BICD1: variants seen among roughly 807,000 people sequenced by gnomAD.
BICD1 encodes protein bicaudal D homolog 1.
BICD1 carries 35 observed loss-of-function variants against 92.5 expected under a neutral mutation model. The ratio of observed to expected loss-of-function variants is 0.38; its 90% confidence interval spans 0.29 to 0.50. The LOEUF is 0.50. Ranked by LOEUF, BICD1 falls within the 20% of genes least tolerant of loss-of-function variation. The pLI, the probability that BICD1 is intolerant of heterozygous loss-of-function variation, is 0.93. For synonymous variants in BICD1, 429 were observed against 465.1 expected, an observed-to-expected ratio of 0.92 and a Z score of 1.00; for missense variants, 950 against 1,189.8, an observed-to-expected ratio of 0.80 and a Z score of 2.97.
chr12:32,290,287 G>A (rs888556534), intron 2 of BICD1, among the ~76,000 whole-genome samples: 3 of 152,158 alleles, frequency 2.0e-5, no homozygotes, highest in Non-Finnish European at 2.9e-5. Context: ...AAATCTGCAC[G>A]TCTCTGGGGA....
rs890167906 is a variant in BICD1, at chr12:32,382,249, GAA to G, written c.*4624_*4625del. 1.2e-4 allele frequency: 19 copies of G among 152,036 alleles called. No individual in the cohort carries two copies. The highest frequency in any genetic ancestry group is 4.3e-4 in the African/African-American group (18 of 41,416). 9.4% of individuals were successfully genotyped at this position (152,036 alleles called of 1,614,324 possible). A position where few individuals can be genotyped will look rare whatever the true frequency, so the allele number is the denominator to read the frequency against. ...CGTCCTTATTATTCAAAGTGTAATT[GAA>G]AGAGATATTTAGTATTAAGACATGT... On this transcript the variant is annotated 3_prime_UTR_variant, in exon 10 of 10. Coordinates refer to ENST00000652176, the MANE Select transcript of BICD1 (RefSeq NM_001714.4).
At chr12:32,274,137 T>G (rs989220852) in intron 2 of BICD1, among the ~76,000 whole-genome samples, 2 of 152,204 alleles carry the variant, frequency 1.3e-5, no homozygotes, top group Admixed American at 6.5e-5. Context: ...GACACTTTAA[T>G]GTAGATTGTA....
At chr12:32,203,546 C>G (rs1035201503) in intron 1 of BICD1, among the ~76,000 whole-genome samples, 1 of 152,096 alleles carries the variant, frequency 6.6e-6, no homozygotes, top group South Asian at 2.1e-4. Flanking sequence ...AGTGGCCAAC[C>G]CGGAGACTGA....
chr12:32,379,473 G>A lies in BICD1; in HGVS notation c.*1846G>A, dbSNP rs933949370. 2.0e-5 allele frequency: 3 copies of A among 152,158 alleles called. No individual in the cohort carries two copies. The highest frequency in any genetic ancestry group is 4.4e-5 in the Non-Finnish European group (3 of 68,034). 9.4% of individuals were successfully genotyped at this position (152,158 alleles called of 1,614,324 possible). A position where few individuals can be genotyped will look rare whatever the true frequency, so the allele number is the denominator to read the frequency against. ...TAAAGTACAGAAACAGAAACAAAAC[G>A]ATTCGACATGAAGTTCCCAACCATA... On this transcript the variant is annotated 3_prime_UTR_variant, in exon 10 of 10. Coordinates refer to ENST00000652176, the MANE Select transcript of BICD1 (RefSeq NM_001714.4).
rs1341446419 is a variant in BICD1, at chr12:32,337,141, G to A, written c.2253-358G>A. 6.6e-6 allele frequency among the ~76,000 whole-genome samples: 1 copy of A among 152,060 alleles called. No homozygotes were observed. Among genetic ancestry groups the A allele is most frequent in the Admixed American group, 6.5e-5 (1 of 15,268 alleles). ...ACACTCCTGTAATTCCAGCAACTCG[G>A]CAGGCTGAGGCATGAGAATCGCTTG... On this transcript the variant is annotated intron_variant, in intron 6 of 9. Transcript: ENST00000652176. The surrounding 1 kb of genome is among the most constrained non-coding windows in gnomAD (Gnocchi z 4.7).
rs776577370 is a variant in BICD1, at chr12:32,180,252, C to T, written c.214-35995C>T. Among the ~76,000 whole-genome samples, 13 of 151,992 alleles carry T rather than the reference C, an allele frequency of 8.6e-5. No individual in the cohort carries two copies. In the Middle Eastern group the frequency reaches 0.017, roughly 199 times the overall value. On this transcript the variant is annotated intron_variant, in intron 1 of 9. Transcript: ENST00000652176. ...GAATCCAGAGGATTTCCTGCCTGGACCTTGAAGTCACCTCCCCGCTACATA... is the reference window on the plus strand; with the variant it reads ...GAATCCAGAGGATTTCCTGCCTGGATCTTGAAGTCACCTCCCCGCTACATA...
chr12:32,372,999 G>T (rs1345962583), intron 9 of BICD1, among the ~76,000 whole-genome samples: 1 of 152,150 alleles, frequency 6.6e-6, no homozygotes, highest in Non-Finnish European at 1.5e-5. Flanking sequence ...GAATGCCCAA[G>T]GTATATAGCC....
At chr12:32,177,798 T>TATAA (rs1944159694) in intron 1 of BICD1, among the ~76,000 whole-genome samples, 1 of 143,274 alleles carries the variant, frequency 7.0e-6, no homozygotes, top group Non-Finnish European at 1.5e-5. Flanking sequence ...TATAAAAATA[T>TATAA]AAATATTTAT....
intron 2 of BICD1, among the ~76,000 whole-genome samples, chr12:32,222,501 C>A (rs1945561915): frequency 6.6e-6 from 1 of 152,188 alleles, no homozygotes; most frequent in Non-Finnish European, 1.5e-5. Flanking sequence ...AGGCCATGAT[C>A]TGAACTCAGG....
intron 1 of BICD1, among the ~76,000 whole-genome samples, chr12:32,110,866 T>G (rs1471249747): frequency 6.6e-6 from 1 of 150,542 alleles, no homozygotes; most frequent in Non-Finnish European, 1.5e-5. Flanking sequence ...ATGGATAGCA[T>G]TAGGAGATAT....
rs1254674834 is a variant in BICD1, at chr12:32,107,427, C to A, written c.96C>A (p.Ile32=). 1 of 1,612,176 alleles carries A rather than the reference C, an allele frequency of 6.2e-7. No homozygotes were observed. Among genetic ancestry groups the A allele is most frequent in the Non-Finnish European group, 8.5e-7 (1 of 1,179,334 alleles). Residue 32 remains isoleucine (I), a synonymous_variant, in exon 1 of 10, where the codon ATC becomes ATA. Transcript: ENST00000652176. ...KELTETTHEK[I]QAAEYGLVVL... ...TCACGGAGACCACCCACGAGAAGAT[C>A]CAGGCTGCCGAGTACGGGCTGGTGG...
chr12:32,121,844 C>T (rs1165165648), intron 1 of BICD1, among the ~76,000 whole-genome samples: 3 of 148,280 alleles, frequency 2.0e-5, no homozygotes, highest in Non-Finnish European at 4.5e-5. Flanking sequence ...GACAGGGTCT[C>T]ACTCTCTTGC....
At chr12:32,342,252 GT>G (rs1555170830) in intron 8 of BICD1, among the ~76,000 whole-genome samples, 1 of 133,730 alleles carries the variant, frequency 7.5e-6, no homozygotes, top group African/African-American at 2.7e-5. Context: ...TTGGGGGTTT[GT>G]TTTTTTTTCT....
At chr12:32,173,880 T>C (rs1303524538) in intron 1 of BICD1, among the ~76,000 whole-genome samples, 1 of 152,236 alleles carries the variant, frequency 6.6e-6, no homozygotes, top group Non-Finnish European at 1.5e-5. Flanking sequence ...AATTGCTTAT[T>C]CCACAAATGA....
rs80286337 is a variant in BICD1 at position 32,173,584 on chromosome 12, T to A, written c.214-42663T>A. On this transcript the variant is annotated intron_variant, in intron 1 of 9. Coordinates refer to ENST00000652176, the MANE Select transcript of BICD1 (RefSeq NM_001714.4). ...GAAAACGAAAAAATAATGGCTAGAGTCATGTTCACCTAGTTTTAACATCTT... is the reference window on the plus strand; with the variant it reads ...GAAAACGAAAAAATAATGGCTAGAGACATGTTCACCTAGTTTTAACATCTT... 4.4e-3 allele frequency among the ~76,000 whole-genome samples: 667 copies of A among 152,200 alleles called. 16 individuals carry two copies. Among genetic ancestry groups the A allele is most frequent in the Admixed American group, 0.036 (553 of 15,290 alleles).
chr12:32,234,461 G>A (rs1275153533), intron 2 of BICD1, among the ~76,000 whole-genome samples: 1 of 151,932 alleles, frequency 6.6e-6, no homozygotes, highest in African/African-American at 2.4e-5. Context: ...GCCAGGTGTG[G>A]TGGCTCATGC....
rs1455152163 is a variant in BICD1 at position 32,232,415 on chromosome 12, A to G, written c.426+15956A>G. On this transcript the variant is annotated intron_variant, in intron 2 of 9. Coordinates refer to ENST00000652176, the MANE Select transcript of BICD1 (RefSeq NM_001714.4). ...TGAGAAGTGTCTGTTCATGTCCTTC[A>G]CCTACTTTTTGATGGGGTTGTTTGT... Among the ~76,000 whole-genome samples, 657 of 150,608 alleles carry G rather than the reference A, an allele frequency of 4.4e-3. 4 individuals are homozygous for G. Among genetic ancestry groups the G allele is most frequent in the African/African-American group, 0.016 (636 of 40,026 alleles).
intron 1 of BICD1, among the ~76,000 whole-genome samples, chr12:32,197,990 G>T (rs1195187364): frequency 6.6e-6 from 1 of 152,106 alleles, no homozygotes; most frequent in East Asian, 1.9e-4. Context: ...TGGATCACCT[G>T]AAGTGGGGAG....
chr12:32,301,852 A>G (rs55686847), intron 3 of BICD1, among the ~76,000 whole-genome samples: 10,454 of 152,148 alleles, frequency 0.069, 520 homozygotes, highest in South Asian at 0.14. Flanking sequence ...GTGCTCTGTG[A>G]AGGTGGGCCC....
Sources: allele counts gnomAD v4.1 joint callset (sites outside exome capture counted in the v4.1 genomes callset), GRCh38; gene constraint gnomAD v4.1.1; non-coding constraint Gnocchi (gnomAD v3.1); transcripts MANE v1.5; gene names NCBI Gene and HGNC (gene_info 2026-07-23, HGNC 2026-07-21).